The following MEIOC variants were observed in gnomAD, a reference collection of about 807,000 sequenced individuals.
MEIOC encodes meiosis specific with coiled-coil domain.
Under a neutral mutation model 85.3 loss-of-function variants are expected in MEIOC, and 9 were observed. The observed-to-expected ratio is 0.11, with a 90% confidence interval of 0.06 to 0.18. The LOEUF (loss-of-function observed/expected upper bound fraction) is 0.18, where lower values mean the gene tolerates loss of function less well. Among genes scored for constraint, MEIOC ranks in the 10% least tolerant of loss-of-function variants. The pLI is 1.00. For missense variants in MEIOC, 898 were observed against 1,129.4 expected (o/e 0.80, Z 2.94); for synonymous variants, 365 against 393.7 (o/e 0.93, Z 0.86).
intron 4 of MEIOC, 31 bp downstream of exon 4, chr17:44,665,519 G>C: frequency 8.4e-7 from 1 of 1,197,602 alleles, no homozygotes. Flanking sequence ...GTATATAACA[G>C]GCTTTTAAAC....
At chr17:44,676,120 C>A (rs1451200805), downstream of MEIOC, 2 of 152,114 alleles carry the variant, frequency 1.3e-5, no homozygotes, top group African/African-American at 2.4e-5. Context: ...TAAAAAAATT[C>A]TTTGAAATAT....
intron 5 of MEIOC, 33 bp downstream of exon 5, chr17:44,668,266 T>G: frequency 6.5e-7 from 1 of 1,533,710 alleles, no homozygotes; most frequent in South Asian, 1.3e-5. Flanking sequence ...GGAATAACAG[T>G]ATGTTCCTTT....
At chr17:44,669,806 G>A in intron 6 of MEIOC, 1 of 326,228 alleles carries the variant, frequency 3.1e-6, no homozygotes, top group Non-Finnish European at 5.8e-6. Context: ...GTTGCAGTGA[G>A]TGAAGATCAC....
In MEIOC at chr17:44,674,967, C is replaced by T; in HGVS notation, c.*771C>T. ...TTTAAATTGAATCACAAAACATTCC[C>T]TTTATCTGGATCTTTTAGACTTGAT... On this transcript the variant is annotated 3_prime_UTR_variant, in exon 8 of 8. Transcript: ENST00000409122. The T allele has an allele frequency of 1.0e-6, 1 of 980,386 alleles. No homozygotes were observed. Among genetic ancestry groups the T allele is most frequent in the Non-Finnish European group, 1.2e-6 (1 of 825,430 alleles). The allele number at this position is 980,386 out of a possible 1,614,324, so 60.7% of individuals were successfully genotyped here.
At position 44,668,160 on chromosome 17, in the gene MEIOC, C is replaced by A. The variant is rs773181104; in HGVS notation, c.2249C>A (p.Pro750Gln). ...FQRPIKTRSGPASELHIRLEE... is the reference protein window; with the variant it reads ...FQRPIKTRSGQASELHIRLEE... ...AGACCAATTAAAACCCGTAGTGGAC[C>A]AGCCAGTGAACTTCATATTCGTCTA... Residue 750 changes from proline to glutamine, a missense_variant, in exon 5 of 8, where the codon CCA becomes CAA. By Grantham distance (76) the Pro-to-Gln change is moderately conservative. This residue lies in a region of MEIOC where 164 missense variants were observed against 269.2 expected (regional missense o/e 0.61). Coordinates refer to ENST00000409122, the MANE Select transcript of MEIOC (RefSeq NM_001145080.3). 6.8e-5 allele frequency: 110 copies of A among 1,613,798 alleles called. 1 individual carries two copies. In the East Asian group the frequency reaches 2.5e-3, roughly 36 times the overall value.
intron 3 of MEIOC, chr17:44,665,150 T>G: frequency 9.4e-7 from 1 of 1,066,068 alleles, no homozygotes; most frequent in Non-Finnish European, 1.1e-6. Context: ...AAGCATGCAC[T>G]GTAAGTTAGA....
chr17:44,667,930 T>C lies in MEIOC; in HGVS notation c.2019T>C (p.Asp673=), dbSNP rs1002931902. The C allele has an allele frequency of 6.2e-7, 1 of 1,613,836 alleles. No individual in the cohort carries two copies. The highest frequency in any genetic ancestry group is 1.3e-5 in the African/African-American group (1 of 75,046). The stretch of plus-strand genomic sequence containing the variant: ...TTTCTAATAATTATATGATGGGAGA[T>C]TTAAGGCATAATCAGTGTTTTCAAC... The part of the protein sequence containing the change: ...SCFSNNYMMG[D]LRHNQCFQQL... The change falls in exon 5 of 8, where the codon GAT becomes GAC. Residue 673 remains aspartate (D), a synonymous_variant. Transcript: ENST00000409122.
rs1441171981 is a variant in MEIOC at position 44,674,939 on chromosome 17, T to C, written c.*743T>C. ...TTGTTAAATGTTTCCAATTTTAAAG[T>C]TATTTAAATTGAATCACAAAACATT... On this transcript the variant is annotated 3_prime_UTR_variant, in exon 8 of 8. Coordinates refer to ENST00000409122, the MANE Select transcript of MEIOC (RefSeq NM_001145080.3). The C allele has an allele frequency of 1.0e-6, 1 of 974,890 alleles. No individual in the cohort carries two copies. Among genetic ancestry groups the C allele is most frequent in the Non-Finnish European group, 1.2e-6 (1 of 820,392 alleles). The allele number at this position is 974,890 out of a possible 1,614,324, so 60.4% of individuals were successfully genotyped here.
In MEIOC at chr17:44,667,270, G is replaced by A. The variant is rs1199245002; in HGVS notation, c.1359G>A (p.Glu453=). Reference sequence around the variant, plus strand: ...CTAAACCTGATCCCCCACATTCTGAGTATTTTAAATCAGTGAATTTATTAT... The same window carrying A: ...CTAAACCTGATCCCCCACATTCTGAATATTTTAAATCAGTGAATTTATTAT... ...QFAKPDPPHS[E]YFKSVNLLSN... The change falls in exon 5 of 8, where the codon GAG becomes GAA. Residue 453 remains glutamate, a synonymous_variant. Transcript: ENST00000409122. 6.2e-7 allele frequency: 1 copy of A among 1,613,742 alleles called. No homozygotes were observed. The highest frequency in any genetic ancestry group is 8.5e-7 in the Non-Finnish European group (1 of 1,179,844).
downstream of MEIOC, chr17:44,675,814 T>C: frequency 1.1e-6 from 1 of 889,684 alleles, no homozygotes; most frequent in Non-Finnish European, 1.3e-6. Flanking sequence ...TGGTTTCATT[T>C]TTCTAAATTC....
chr17:44,667,158 T>C lies in MEIOC; in HGVS notation c.1247T>C (p.Phe416Ser), dbSNP rs1395573914. The C allele has an allele frequency of 8.1e-6, 13 of 1,613,788 alleles. No homozygotes were observed. The highest frequency in any genetic ancestry group is 1.1e-5 in the Non-Finnish European group (13 of 1,179,890). The stretch of plus-strand genomic sequence containing the variant: ...AAGGAAGCAGTATTCACTGCTGATT[T>C]TGGCTTAACATCAGAATATGGACTA... Reference protein sequence around the residue: ...FAKEAVFTADFGLTSEYGLKP... With the variant: ...FAKEAVFTADSGLTSEYGLKP... The change falls in exon 5 of 8, where the codon TTT (phenylalanine) becomes TCT (serine). Residue 416 changes from phenylalanine (F) to serine (S), a missense_variant. Phe to Ser is a radical substitution (Grantham distance 155). This residue lies in a region of MEIOC where 734 missense variants were observed against 860.1 expected (regional missense o/e 0.85). Coordinates refer to ENST00000409122, the MANE Select transcript of MEIOC (RefSeq NM_001145080.3).
chr17:44,657,213 C>T lies in MEIOC; in HGVS notation c.156C>T (p.Ser52=). ...AGSRLTDVFG[S]VMLTGSASFY... is the part of the protein sequence containing the mutation. ...GCAGGTTAACCGACGTCTTCGGCAG[C>T]GTGATGTTGACTGGCTCCGCTTCCT... Residue 52 remains serine, a synonymous_variant, in exon 2 of 8, where the codon AGC becomes AGT. Transcript: ENST00000409122. 6.4e-7 allele frequency: 1 copy of T among 1,552,028 alleles called. No homozygotes were observed. Among genetic ancestry groups the T allele is most frequent in the Admixed American group, 2.0e-5 (1 of 51,000 alleles).
intron 5 of MEIOC, among the ~76,000 whole-genome samples, chr17:44,668,657 CTATAATG>C (rs1171395197): frequency 6.6e-6 from 1 of 152,106 alleles, no homozygotes; most frequent in Admixed American, 6.5e-5. Context: ...GAGCTGAATT[CTATAATG>C]TCCAGGATTT....
intron 2 of MEIOC, among the ~76,000 whole-genome samples, chr17:44,657,516 G>T (rs1031126076): frequency 2.0e-5 from 3 of 150,142 alleles, no homozygotes; most frequent in Non-Finnish European, 4.4e-5. Context: ...CCTGAGGCAC[G>T]CGCCACCACG....
intron 4 of MEIOC, 75 bp from the exon 5 acceptor site, chr17:44,666,301 C>T (rs1971902494): frequency 7.8e-7 from 1 of 1,274,974 alleles, no homozygotes; most frequent in South Asian, 1.6e-5. Context: ...TTTTGAAGAC[C>T]TTTTCTCCCT....
chr17:44,674,121 C>T lies in MEIOC; in HGVS notation c.2784C>T (p.Asn928=). The T allele has an allele frequency of 1.3e-6, 2 of 1,551,634 alleles. No homozygotes were observed. Among genetic ancestry groups the T allele is most frequent in the Non-Finnish European group, 1.7e-6 (2 of 1,146,982 alleles). The stretch of plus-strand genomic sequence containing the variant: ...TAAAGCCTTTACAAGATACAGTAAA[C>T]TGTGAAGATAAAGTCCATGAAAGCA... ...DVVKPLQDTV[N]CEDKVHESIN... The change falls in exon 8 of 8, where the codon AAC becomes AAT. Residue 928 remains asparagine (N), a synonymous_variant. Coordinates refer to ENST00000409122, the MANE Select transcript of MEIOC (RefSeq NM_001145080.3).
chr17:44,666,376 G>A lies in MEIOC; in HGVS notation c.465G>A (p.Gly155=). Residue 155 remains glycine, a splice_region_variant and synonymous_variant, in exon 5 of 8, where the codon GGG becomes GGA. Coordinates refer to ENST00000409122, the MANE Select transcript of MEIOC (RefSeq NM_001145080.3). ...QDKSQPYFAE[G]TCSSNLKSVW... is the part of the protein sequence containing the mutation. ...AATTAAATATATTTATTTGTTCTAG[G>A]ACCTGCTCCTCCAATTTAAAGTCAG... 1 of 1,545,258 alleles carries A rather than the reference G, an allele frequency of 6.5e-7. No homozygotes were observed. The highest frequency in any genetic ancestry group is 8.7e-7 in the Non-Finnish European group (1 of 1,143,630).
At chr17:44,665,578 A>G (rs1031219173) in intron 4 of MEIOC, 90 bp downstream of exon 4, 1 of 512,930 alleles carries the variant, frequency 1.9e-6, no homozygotes, top group African/African-American at 2.0e-5. Context: ...TTTACTTAAT[A>G]GTGGATCATC....
chr17:44,668,059 C>T lies in MEIOC; in HGVS notation c.2148C>T (p.Ser716=), dbSNP rs1971937147. ...ACTTACTTTCTTATGATGACTTAAG[C>T]CATTTGTACCCTTATTTTAATATGA... is the stretch of plus-strand genomic sequence containing the variant. ...SYDLLSYDDL[S]HLYPYFNMMY... is the part of the protein sequence containing the mutation. Residue 716 remains serine, a synonymous_variant, in exon 5 of 8, where the codon AGC becomes AGT. Transcript: ENST00000409122. The T allele has an allele frequency of 6.2e-7, 1 of 1,613,052 alleles. No individual in the cohort carries two copies. Among genetic ancestry groups the T allele is most frequent in the Non-Finnish European group, 8.5e-7 (1 of 1,179,368 alleles).
Sources: allele counts gnomAD v4.1 joint callset (sites outside exome capture counted in the v4.1 genomes callset), GRCh38; gene constraint gnomAD v4.1.1; regional missense constraint gnomAD v4.1.1; transcripts MANE v1.5; gene names NCBI Gene and HGNC (gene_info 2026-07-23, HGNC 2026-07-21).